SPECC1: variants seen among roughly 807,000 people sequenced by gnomAD.
SPECC1 encodes the protein sperm antigen with calponin homology and coiled-coil domains 1.
Under a neutral mutation model 104.1 loss-of-function variants are expected in SPECC1, and 62 were observed. The observed-to-expected ratio is 0.60, with a 90% confidence interval of 0.49 to 0.74. The LOEUF (loss-of-function observed/expected upper bound fraction) is 0.74, where lower values mean the gene tolerates loss of function less well. SPECC1 is among the 30% of genes least tolerant of loss of function. The probability of loss-of-function intolerance (pLI) is 0.00; values close to 1 mark genes in which losing one functional copy is unlikely to be tolerated. For missense variants in SPECC1, 1,306 were observed against 1,310.5 expected, an observed-to-expected ratio of 1.00 and a Z score of 0.05; for synonymous variants, 513 against 501.6, an observed-to-expected ratio of 1.02 and a Z score of -0.30.
intron 10 of SPECC1, among the ~76,000 whole-genome samples, 158 bp from the exon 11 acceptor site, chr17:20,257,293 A>G (rs1222699159): frequency 6.6e-6 from 1 of 152,246 alleles, no homozygotes. Flanking sequence ...TCCTGCCTGT[A>G]GAATCCACAT....
intron 1 of SPECC1, among the ~76,000 whole-genome samples, chr17:20,031,013 G>A (rs1467438951): frequency 2.0e-5 from 3 of 151,610 alleles, no homozygotes; most frequent in African/African-American, 4.8e-5. Context: ...TTGTTTTTTC[G>A]AGACAGAATC....
chr17:20,017,557 CA>C (rs35480513), intron 1 of SPECC1: 2 of 152,956 alleles, frequency 1.3e-5, no homozygotes, highest in African/African-American at 2.4e-5. Context: ...ATTCCGGACA[CA>C]AAAGGTGTTC....
chr17:20,308,708 C>T (rs1027416788), intron 14 of SPECC1, among the ~76,000 whole-genome samples: 7 of 152,060 alleles, frequency 4.6e-5, no homozygotes, highest in East Asian at 1.9e-4. Flanking sequence ...ATCTTTAAGA[C>T]GCAGATATCC....
chr17:20,066,859 C>T (rs891634517), intron 1 of SPECC1, among the ~76,000 whole-genome samples: 3 of 151,940 alleles, frequency 2.0e-5, no homozygotes, highest in Admixed American at 6.6e-5. Flanking sequence ...CCATCTCAGC[C>T]TCCCAAGTAG....
intron 1 of SPECC1, among the ~76,000 whole-genome samples, chr17:20,053,944 G>A (rs1194090259): frequency 3.3e-5 from 5 of 152,194 alleles, no homozygotes; most frequent in Admixed American, 1.3e-4. Context: ...CAAACCTTCC[G>A]TATTCCCAGT....
intron 1 of SPECC1, among the ~76,000 whole-genome samples, chr17:20,028,006 A>G (rs2044660788): frequency 6.6e-6 from 1 of 152,198 alleles, no homozygotes. Flanking sequence ...AACGTCTTTA[A>G]GATTTACCCG....
chr17:20,258,574 C>T (rs780957117), intron 11 of SPECC1, among the ~76,000 whole-genome samples: 4 of 152,214 alleles, frequency 2.6e-5, no homozygotes, highest in Non-Finnish European at 4.4e-5. Context: ...CTTCTAGATG[C>T]CCCACAACTT....
At chr17:20,042,215 A>C (rs1224524154) in intron 1 of SPECC1, among the ~76,000 whole-genome samples, 1 of 152,084 alleles carries the variant, frequency 6.6e-6, no homozygotes. Flanking sequence ...GCTTCCATTG[A>C]CACCCAATGG....
intron 1 of SPECC1, among the ~76,000 whole-genome samples, chr17:20,061,671 C>CT (rs771039034): frequency 1.3e-5 from 2 of 152,204 alleles, no homozygotes; most frequent in Non-Finnish European, 2.9e-5. Context: ...TTTGGAAGGT[C>CT]TTTAAGTTAT....
chr17:20,310,975 A>G (rs2041913218), intron 14 of SPECC1, among the ~76,000 whole-genome samples: 1 of 152,186 alleles, frequency 6.6e-6, no homozygotes, highest in Non-Finnish European at 1.5e-5. Flanking sequence ...ACTGAGGCAC[A>G]TGGCTTATGA....
At chr17:20,033,876 G>C (rs1360263578) in intron 1 of SPECC1, among the ~76,000 whole-genome samples, 1 of 152,174 alleles carries the variant, frequency 6.6e-6, no homozygotes, top group Non-Finnish European at 1.5e-5. Flanking sequence ...TCCTCAAGGA[G>C]GTACAGCTTT....
In SPECC1 at chr17:20,245,990, G is replaced by A. The variant is rs747883829; in HGVS notation, c.2416G>A (p.Val806Ile). The A allele has an allele frequency of 6.2e-7, 1 of 1,614,146 alleles. No homozygotes were observed. The highest frequency in any genetic ancestry group is 8.5e-7 in the Non-Finnish European group (1 of 1,180,022). The change falls in exon 8 of 15, where the codon GTT becomes ATT. Residue 806 changes from valine (V) to isoleucine (I), a missense_variant. By Grantham distance (29) the Val-to-Ile change is conservative. Around this residue, in one of 2 missense-constraint regions of SPECC1, gnomAD observed 1,177 missense variants for 1,139.9 expected, o/e 1.03. Transcript: ENST00000395527. ...TGCTGGTCGGTGGCCTGGTGTCTGT[G>A]TTAGCAGAACATCTCCAACACCCCC... ...DAAGRWPGVCVSRTSPTPPES... is the reference protein window; with the variant it reads ...DAAGRWPGVCISRTSPTPPES...
chr17:20,199,513 A>G (rs1037079872), intron 3 of SPECC1, among the ~76,000 whole-genome samples: 2 of 143,326 alleles, frequency 1.4e-5, no homozygotes, highest in Admixed American at 7.3e-5. Context: ...TGATCCTCCT[A>G]CCTCATCCTT....
chr17:20,092,340 C>T (rs1369194164), intron 1 of SPECC1, among the ~76,000 whole-genome samples: 2 of 136,922 alleles, frequency 1.5e-5, no homozygotes, highest in Admixed American at 7.5e-5. Flanking sequence ...CTGTCTTGTA[C>T]TTGGCTGGAG....
intron 3 of SPECC1, among the ~76,000 whole-genome samples, chr17:20,145,167 C>G (rs893630494): frequency 1.3e-5 from 2 of 152,186 alleles, no homozygotes; most frequent in Non-Finnish European, 2.9e-5. Context: ...GTAGGAAGAA[C>G]GAGTGCTTCA....
intron 1 of SPECC1, among the ~76,000 whole-genome samples, chr17:20,071,387 T>C: frequency 1.9e-5 from 1 of 52,342 alleles, no homozygotes; most frequent in Non-Finnish European, 5.4e-5. Flanking sequence ...TGTGTGTTTG[T>C]GTGTGTGTGT....
chr17:20,300,476 A>G (rs2041535660), intron 13 of SPECC1, among the ~76,000 whole-genome samples: 1 of 152,272 alleles, frequency 6.6e-6, no homozygotes, highest in African/African-American at 2.4e-5. Context: ...AAGCCCACAC[A>G]TGCACACACC....
chr17:20,227,964 CGAG>C (rs2038331810), intron 5 of SPECC1, among the ~76,000 whole-genome samples: 1 of 150,296 alleles, frequency 6.7e-6, no homozygotes, highest in Admixed American at 6.6e-5. Flanking sequence ...CAGTGGGTGA[CGAG>C]GGGGGGTGGG....
chr17:20,032,435 G>A (rs144531455), intron 1 of SPECC1, among the ~76,000 whole-genome samples: 199 of 152,050 alleles, frequency 1.3e-3, no homozygotes, highest in African/African-American at 3.8e-3. Context: ...ATTTTGCTGA[G>A]ATTCTGTTTA....
Sources: gnomAD v4.1 joint callset for allele counts (sites outside exome capture counted in the v4.1 genomes callset) on GRCh38, gnomAD v4.1.1 for gene constraint, gnomAD v4.1.1 regional missense constraint, MANE v1.5 for transcripts, NCBI Gene and HGNC (gene_info 2026-07-23, HGNC 2026-07-21) for gene names.